The following FDFT1 variants were observed in gnomAD, a reference collection of about 807,000 sequenced individuals.
The protein encoded by FDFT1 is squalene synthase.
A neutral mutation model predicts 46.8 loss-of-function variants in FDFT1; 68 were observed. The observed-to-expected ratio is 1.45, with a 90% CI of 1.19 to 1.78. The LOEUF (loss-of-function observed/expected upper bound fraction) is 1.78. Among genes scored for constraint, FDFT1 ranks in the 40% most tolerant of loss-of-function variants. The pLI, the probability that FDFT1 is intolerant of heterozygous loss-of-function variation, is 0.00. For synonymous variants in FDFT1, 351 were observed against 185.1 expected, an observed-to-expected ratio of 1.90 and a Z score of -7.28; for missense variants, 928 against 524.4, an observed-to-expected ratio of 1.77 and a Z score of -7.52.
At chr8:11,824,142 C>T (rs1056616521) in intron 4 of FDFT1, among the ~76,000 whole-genome samples, 5 of 152,174 alleles carry the variant, frequency 3.3e-5, no homozygotes, top group Admixed American at 1.3e-4. Context: ...GGATTACAGG[C>T]GTGAACTTCG....
chr8:11,802,063 A>G (rs1226232156), upstream of FDFT1: 1 of 455,640 alleles, frequency 2.2e-6, no homozygotes, highest in South Asian at 1.5e-5. Context: ...CAGGCTCTCT[A>G]AGGCTTCAGC....
intron 1 of FDFT1, chr8:11,803,505 G>C (rs1806414779): frequency 1.6e-6 from 2 of 1,220,956 alleles, no homozygotes; most frequent in African/African-American, 3.2e-5. Context: ...GATTAGCTAG[G>C]TGGTTGGTGG....
chr8:11,830,257 A>G lies in FDFT1; in HGVS notation c.716A>G (p.Tyr239Cys), dbSNP rs1472004022. The G allele has an allele frequency of 1.9e-6, 3 of 1,613,682 alleles. No homozygotes were observed. The highest frequency in any genetic ancestry group is 1.1e-5 in the South Asian group (1 of 91,066). Residue 239 changes from tyrosine (Y) to cysteine (C), a missense_variant, in exon 6 of 8, where the codon TAT becomes TGT. Tyr to Cys is a radical substitution (Grantham distance 194). Transcript: ENST00000220584. ...EFWPQEVWSR[Y>C]VKKLGDFAKP... is the part of the protein sequence containing the mutation. Reference sequence around the variant, plus strand: ...TTATCTGTCTAGGTTTGGAGCAGGTATGTTAAGAAGTTAGGGGATTTTGCT... The same window carrying G: ...TTATCTGTCTAGGTTTGGAGCAGGTGTGTTAAGAAGTTAGGGGATTTTGCT...
chr8:11,819,578 C>A (rs1209818478), intron 3 of FDFT1, among the ~76,000 whole-genome samples: 1 of 151,954 alleles, frequency 6.6e-6, no homozygotes, highest in Non-Finnish European at 1.5e-5. Flanking sequence ...TGTCTTCTTG[C>A]TTTATTTCAT....
At chr8:11,796,445 A>G (rs1480980313) in intron 1 of FDFT1, among the ~76,000 whole-genome samples, 1 of 152,240 alleles carries the variant, frequency 6.6e-6, no homozygotes, top group Non-Finnish European at 1.5e-5. Flanking sequence ...AGAAGTACTG[A>G]GGTCTGTGAA....
rs1311395157 is a variant in FDFT1, at chr8:11,838,539, C to T, written c.1184C>T (p.Ala395Val). 3.1e-6 allele frequency: 5 copies of T among 1,611,780 alleles called. No homozygotes were observed. Among genetic ancestry groups the T allele is most frequent in the Non-Finnish European group, 4.2e-6 (5 of 1,179,038 alleles). ...IYLSFVMLLA[A>V]LSWQYLTTLS... The stretch of plus-strand genomic sequence containing the variant: ...CTGTCGTTTGTCATGCTTTTGGCTG[C>T]CCTGAGCTGGCAGTACCTGACCACT... The change falls in exon 8 of 8, where the codon GCC becomes GTC. Residue 395 changes from alanine to valine, a missense_variant. Ala to Val is a moderately conservative substitution (Grantham distance 64). Transcript: ENST00000220584.
At chr8:11,833,240 AGT>A (rs1202176293) in intron 7 of FDFT1, among the ~76,000 whole-genome samples, 26 of 152,320 alleles carry the variant, frequency 1.7e-4, no homozygotes, top group African/African-American at 6.3e-4. Flanking sequence ...TGCCTGGGGT[AGT>A]GACCAAGTAG....
Position 11,819,853 on chromosome 8 carries a change from C to T in FDFT1, c.382-1897C>T, listed in dbSNP as rs147798895. 4.5e-4 allele frequency among the ~76,000 whole-genome samples: 68 copies of T among 152,206 alleles called. 1 individual carries two copies. In the East Asian group the frequency reaches 0.01, roughly 23 times the overall value. On this transcript the variant is annotated intron_variant, in intron 3 of 7. Coordinates refer to ENST00000220584, the MANE Select transcript of FDFT1 (RefSeq NM_004462.5). The stretch of plus-strand genomic sequence containing the variant: ...CTTCTGAAGCCTACTTCTGTCAACT[C>T]GTTAAACTCATTGTCCATCCAGTTT...
At chr8:11,832,551 C>CAAAAAAAA (rs531759815) in intron 7 of FDFT1, among the ~76,000 whole-genome samples, 1,194 of 36,318 alleles carry the variant, frequency 0.033, 249 homozygotes, top group East Asian at 0.2. Flanking sequence ...GACTTTGTCT[C>CAAAAAAAA]AAAAAAAAAA....
upstream of FDFT1, among the ~76,000 whole-genome samples, chr8:11,801,405 T>C (rs1806105686): frequency 6.6e-6 from 1 of 152,164 alleles, no homozygotes; most frequent in Non-Finnish European, 1.5e-5. Context: ...CTGCAACCTC[T>C]GCCTCCTGTG....
At chr8:11,836,146 C>T (rs1389097313) in intron 7 of FDFT1, among the ~76,000 whole-genome samples, 3 of 85,372 alleles carry the variant, frequency 3.5e-5, no homozygotes, top group Admixed American at 1.3e-4. Flanking sequence ...GAGCGAGACA[C>T]CATCTTAAAA....
intron 3 of FDFT1, among the ~76,000 whole-genome samples, chr8:11,812,771 C>T (rs1250923989): frequency 2.6e-5 from 4 of 152,142 alleles, no homozygotes; most frequent in African/African-American, 4.8e-5. Context: ...ACTTCCGCCT[C>T]GATGTACAGT....
At chr8:11,838,258 T>C in intron 7 of FDFT1, 130 bp from the exon 8 acceptor site, 3 of 718,870 alleles carry the variant, frequency 4.2e-6, no homozygotes, top group East Asian at 2.7e-5. Flanking sequence ...GTTATGTTCA[T>C]GTTCTCTGAG....
At chr8:11,800,818 A>T (rs1806039151), upstream of FDFT1, among the ~76,000 whole-genome samples, 1 of 152,200 alleles carries the variant, frequency 6.6e-6, no homozygotes, top group Admixed American at 6.5e-5. Flanking sequence ...TTTGAAGAGG[A>T]ACCTCTACTT....
chr8:11,837,723 A>C (rs1208111696), intron 7 of FDFT1, among the ~76,000 whole-genome samples: 1 of 152,138 alleles, frequency 6.6e-6, no homozygotes, highest in Non-Finnish European at 1.5e-5. Context: ...GACAGTGTAG[A>C]GCAGACAGGT....
intron 1 of FDFT1, among the ~76,000 whole-genome samples, chr8:11,797,206 C>T (rs948429597): frequency 6.6e-6 from 1 of 152,188 alleles, no homozygotes; most frequent in African/African-American, 2.4e-5. Flanking sequence ...GCTGTCTGAA[C>T]CCCACCTCTG....
intron 1 of FDFT1, among the ~76,000 whole-genome samples, chr8:11,796,264 C>G (rs1324731584): frequency 6.6e-6 from 1 of 152,190 alleles, no homozygotes; most frequent in Non-Finnish European, 1.5e-5. Flanking sequence ...AGTGACTGGA[C>G]TGTTTGTGTT....
chr8:11,836,126 C>G (rs1419928280), intron 7 of FDFT1, among the ~76,000 whole-genome samples: 1 of 149,778 alleles, frequency 6.7e-6, no homozygotes, highest in East Asian at 1.9e-4. Flanking sequence ...GCACTCTAGC[C>G]TGGGTGACAG....
At chr8:11,836,576 ACTTCT>A in intron 7 of FDFT1, among the ~76,000 whole-genome samples, 1 of 152,278 alleles carries the variant, frequency 6.6e-6, no homozygotes, top group African/African-American at 2.4e-5. Flanking sequence ...CTTCTGTTTC[ACTTCT>A]CCACTCGTTT....
Sources: gnomAD v4.1 joint callset for allele counts (sites outside exome capture counted in the v4.1 genomes callset) on GRCh38, gnomAD v4.1.1 for gene constraint, MANE v1.5 for transcripts, NCBI Gene and HGNC (gene_info 2026-07-23, HGNC 2026-07-21) for gene names.